The following MCMDC2 variants were observed in gnomAD, a reference collection of about 807,000 sequenced individuals.
The protein encoded by MCMDC2 is minichromosome maintenance domain-containing protein 2.
MCMDC2 carries 54 observed loss-of-function variants against 75.8 expected under a neutral mutation model. The ratio of observed to expected loss-of-function variants is 0.71; its 90% CI spans 0.57 to 0.89. The LOEUF is 0.89. Ranked by LOEUF, MCMDC2 falls within the 40% of genes least tolerant of loss-of-function variation. The pLI is 0.00. For missense variants in MCMDC2, 656 were observed against 780.4 expected, an observed-to-expected ratio of 0.84 and a Z score of 1.90; for synonymous variants, 249 against 274.6, an observed-to-expected ratio of 0.91 and a Z score of 0.92.
chr8:66,895,450 A>G (rs1263733025), intron 10 of MCMDC2, among the ~76,000 whole-genome samples: 1 of 138,198 alleles, frequency 7.2e-6, no homozygotes, highest in African/African-American at 2.8e-5. Flanking sequence ...CCTGTTGCCC[A>G]GGGTGGAGTT....
Position 66,896,340 on chromosome 8 carries a change from A to G in MCMDC2, c.1446+4A>G, listed in dbSNP as rs1292814071. 6.3e-7 allele frequency: 1 copy of G among 1,582,966 alleles called. No homozygotes were observed. Among genetic ancestry groups the G allele is most frequent in the East Asian group, 2.3e-5 (1 of 44,198 alleles). On this transcript the variant is annotated splice_donor_region_variant and intron_variant, in intron 11 of 14. Coordinates refer to ENST00000422365, the MANE Select transcript of MCMDC2 (RefSeq NM_173518.5). ...CAACACTCTAATTGGTCAGATGGTA[A>G]GGTATATGTATATTTTATTGTTAGA...
chr8:66,899,277 G>A (rs751279014), intron 12 of MCMDC2, among the ~76,000 whole-genome samples: 11 of 152,164 alleles, frequency 7.2e-5, no homozygotes, highest in Non-Finnish European at 1.3e-4. Flanking sequence ...TCCCTGAAGG[G>A]GCTGACAGCA....
intron 13 of MCMDC2, among the ~76,000 whole-genome samples, chr8:66,903,779 G>C (rs1052411611): frequency 6.6e-6 from 1 of 152,018 alleles, no homozygotes; most frequent in Non-Finnish European, 1.5e-5. Flanking sequence ...CTTTCTAAAG[G>C]CTCTATACAT....
chr8:66,924,759 G>A (rs1236837585), downstream of MCMDC2, among the ~76,000 whole-genome samples: 1 of 152,006 alleles, frequency 6.6e-6, no homozygotes, highest in African/African-American at 2.4e-5. Context: ...ATCTCCGTGT[G>A]TAGCAGGCAT....
chr8:66,891,572 T>G (rs561726324), intron 10 of MCMDC2, among the ~76,000 whole-genome samples: 2 of 152,362 alleles, frequency 1.3e-5, no homozygotes, highest in East Asian at 3.9e-4. Context: ...TCTGTTAATA[T>G]GATCATGTCA....
At chr8:66,895,646 G>A (rs749473973) in intron 10 of MCMDC2, among the ~76,000 whole-genome samples, 2 of 151,996 alleles carry the variant, frequency 1.3e-5, no homozygotes, top group Non-Finnish European at 2.9e-5. Flanking sequence ...CAATCCCCCC[G>A]TGTCAGCCTC....
rs970288331 is a variant in MCMDC2 at position 66,920,609 on chromosome 8, A to G, written c.*1440A>G. 8 of 152,294 alleles carry G rather than the reference A, an allele frequency of 5.3e-5. No individual in the cohort carries two copies. The South Asian group carries it at 1.7e-3, about 32-fold the overall frequency. 9.4% of individuals were successfully genotyped at this position (152,294 alleles called of 1,614,324 possible). Reference sequence around the variant, plus strand: ...GCTTCTCAAATACTACATTTCAAACATGTCTGGCTCTCTATGGGGGGAAGG... The same window carrying G: ...GCTTCTCAAATACTACATTTCAAACGTGTCTGGCTCTCTATGGGGGGAAGG... On this transcript the variant is annotated 3_prime_UTR_variant, in exon 15 of 15. Transcript: ENST00000422365.
In MCMDC2 at chr8:66,900,089, C is replaced by T. The variant is rs181125609; in HGVS notation, c.1627-1117C>T. 2.2e-4 allele frequency among the ~76,000 whole-genome samples: 33 copies of T among 151,418 alleles called. No individual in the cohort carries two copies. In the East Asian group the frequency reaches 3.8e-3, roughly 17 times the overall value. ...GGCAGAGTTTGCAGTGAGCTGAGAT[C>T]GTGCCACGGCACTCCAGCCTGGGCG... On this transcript the variant is annotated intron_variant, in intron 12 of 14. Coordinates refer to ENST00000422365, the MANE Select transcript of MCMDC2 (RefSeq NM_173518.5).
rs1813471261 is a variant in MCMDC2, at chr8:66,920,235, A to T, written c.*1066A>T. On this transcript the variant is annotated 3_prime_UTR_variant, in exon 15 of 15. Coordinates refer to ENST00000422365, the MANE Select transcript of MCMDC2 (RefSeq NM_173518.5). ...GTATTAGTTTTCAGAAGCCAAAGGT[A>T]GTGTTTTTGTTTTTTGTTTTTTTGA... The T allele has an allele frequency of 6.6e-6, 1 of 152,122 alleles. No individual in the cohort carries two copies. The highest frequency in any genetic ancestry group is 1.5e-5 in the Non-Finnish European group (1 of 68,108). The allele number at this position is 152,122 out of a possible 1,614,324, so 9.4% of individuals were successfully genotyped here.
chr8:66,877,397 G>A lies in MCMDC2; in HGVS notation c.334G>A (p.Gly112Ser), dbSNP rs367891525. 4.8e-5 allele frequency: 77 copies of A among 1,612,464 alleles called. No homozygotes were observed. Among genetic ancestry groups the A allele is most frequent in the Admixed American group, 3.5e-4 (21 of 59,806 alleles). The change falls in exon 5 of 15, where the codon GGT (glycine) becomes AGT (serine). Residue 112 changes from glycine (G) to serine (S), a missense_variant. Physicochemically the swap from Gly to Ser is moderately conservative, Grantham distance 56. Transcript: ENST00000422365. ...LTHLPPLPSY[G>S]LDLCEFPLDY... is the part of the protein sequence containing the mutation. The stretch of plus-strand genomic sequence containing the variant: ...ACATTTACCTCCCCTGCCAAGTTAT[G>A]GTCTTGATCTTTGTGAGTTTCCACT...
At chr8:66,877,664 A>C in intron 5 of MCMDC2, 120 bp downstream of exon 5, 2 of 668,172 alleles carry the variant, frequency 3.0e-6, no homozygotes, top group Non-Finnish European at 2.4e-6. Flanking sequence ...CAGGAGTTTG[A>C]GACCAGCCTG....
intron 10 of MCMDC2, among the ~76,000 whole-genome samples, chr8:66,895,601 G>C (rs772115162): frequency 6.6e-6 from 1 of 151,602 alleles, no homozygotes. Context: ...GTCTTGCCAC[G>C]TTGCCCAGGC....
intron 14 of MCMDC2, among the ~76,000 whole-genome samples, chr8:66,910,347 C>T (rs771989485): frequency 7.2e-5 from 11 of 152,200 alleles, no homozygotes; most frequent in Non-Finnish European, 1.2e-4. Flanking sequence ...TGCACCATCA[C>T]CTGGAAAAGC....
intron 9 of MCMDC2, among the ~76,000 whole-genome samples, chr8:66,890,548 A>G (rs1328159096): frequency 6.6e-6 from 1 of 151,896 alleles, no homozygotes; most frequent in African/African-American, 2.4e-5. Context: ...GTTTTTTGAG[A>G]CAGAATCTCA....
At chr8:66,871,959 C>T (rs1811043519) in intron 1 of MCMDC2, among the ~76,000 whole-genome samples, 1 of 152,002 alleles carries the variant, frequency 6.6e-6, no homozygotes. Context: ...TGATGGCTTC[C>T]CTTTGCCTAT....
intron 14 of MCMDC2, among the ~76,000 whole-genome samples, chr8:66,908,493 G>A (rs984270533): frequency 2.0e-5 from 3 of 152,160 alleles, no homozygotes; most frequent in African/African-American, 7.2e-5. Flanking sequence ...ACCATGCCAT[G>A]CCATCAATTG....
intron 13 of MCMDC2, among the ~76,000 whole-genome samples, chr8:66,904,267 T>A (rs887041678): frequency 6.6e-6 from 1 of 152,086 alleles, no homozygotes; most frequent in Non-Finnish European, 1.5e-5. Context: ...GAAAATTATG[T>A]CTCATAGCAT....
At chr8:66,874,790 C>T (rs963920297) in intron 4 of MCMDC2, among the ~76,000 whole-genome samples, 1 of 151,562 alleles carries the variant, frequency 6.6e-6, no homozygotes, top group Non-Finnish European at 1.5e-5. Flanking sequence ...GATGGAGTCT[C>T]GCTCTGTCGC....
chr8:66,899,058 G>A (rs1812498085), intron 12 of MCMDC2, among the ~76,000 whole-genome samples: 1 of 152,194 alleles, frequency 6.6e-6, no homozygotes. Flanking sequence ...TAGTAAAAAT[G>A]GTTTCTCTGG....
Sources: allele counts gnomAD v4.1 joint callset (sites outside exome capture counted in the v4.1 genomes callset), GRCh38; gene constraint gnomAD v4.1.1; transcripts MANE v1.5; gene names NCBI Gene and HGNC (gene_info 2026-07-23, HGNC 2026-07-21).